RNF216: variants seen among roughly 807,000 people sequenced by gnomAD.
The protein encoded by RNF216 is ring finger protein 216, also known as E3 ubiquitin-protein ligase RNF216.
In RNF216, 72 loss-of-function variants were observed where a neutral mutation model predicts 110.8. That is an observed-to-expected ratio of 0.65 (90% CI 0.54 to 0.79). The LOEUF (loss-of-function observed/expected upper bound fraction) is 0.79, where lower values mean the gene tolerates loss of function less well. Among genes scored for constraint, RNF216 ranks in the 30% least tolerant of loss-of-function variants. RNF216 has a pLI of 0.00. For synonymous variants in RNF216, 495 were observed against 407.5 expected (o/e 1.21, Z -2.59); for missense variants, 1,342 against 1,141.2 (o/e 1.18, Z -2.54).
At chr7:5,755,063 G>T (rs1452165815) in intron 2 of RNF216, among the ~76,000 whole-genome samples, 1 of 139,294 alleles carries the variant, frequency 7.2e-6, no homozygotes, top group African/African-American at 2.6e-5. Context: ...GGGAGGGAGG[G>T]AGGGAACTGA....
chr7:5,761,146 G>GCTTTT lies in RNF216; in HGVS notation c.-69-9_-69-8insAAAAG, dbSNP rs1179336540. 2.4e-6 allele frequency: 2 copies of GCTTTT among 850,584 alleles called. No homozygotes were observed. Among genetic ancestry groups the GCTTTT allele is most frequent in the Non-Finnish European group, 3.7e-6 (2 of 539,728 alleles). The allele number at this position is 850,584 out of a possible 1,614,324, so 52.7% of individuals were successfully genotyped here. ...CCATCTGTTTCAAAAGAACTGAAAA[G>GCTTTT]GAAGCAAAGAGTAACAGTAAGAATG... On this transcript the variant is annotated splice_polypyrimidine_tract_variant and intron_variant, in intron 1 of 16. Coordinates refer to ENST00000389902, the MANE Select transcript of RNF216 (RefSeq NM_207111.4).
intron 13 of RNF216, among the ~76,000 whole-genome samples, chr7:5,678,615 T>C (rs958231727): frequency 6.6e-6 from 1 of 152,220 alleles, no homozygotes; most frequent in Non-Finnish European, 1.5e-5. Flanking sequence ...GGAGTGCTTA[T>C]AAGGAGGCCG....
intron 15 of RNF216, among the ~76,000 whole-genome samples, chr7:5,637,479 A>G (rs1321906734): frequency 6.6e-6 from 1 of 152,220 alleles, no homozygotes; most frequent in Non-Finnish European, 1.5e-5. Context: ...TTCCTGAAAT[A>G]GAGAACACCT....
intron 1 of RNF216, among the ~76,000 whole-genome samples, chr7:5,770,325 G>C (rs1796430990): frequency 6.6e-6 from 1 of 152,040 alleles, no homozygotes; most frequent in African/African-American, 2.4e-5. Flanking sequence ...ACCAGGCGTG[G>C]TGGCACATGC....
At chr7:5,701,499 T>C (rs1342624452) in intron 13 of RNF216, among the ~76,000 whole-genome samples, 4 of 152,226 alleles carry the variant, frequency 2.6e-5, no homozygotes, top group Admixed American at 6.5e-5. Flanking sequence ...TGCCAGGCAC[T>C]GCACTTGACA....
intron 13 of RNF216, among the ~76,000 whole-genome samples, chr7:5,669,219 C>A (rs1208205420): frequency 6.6e-6 from 1 of 152,204 alleles, no homozygotes; most frequent in African/African-American, 2.4e-5. Context: ...TTGCATCTGA[C>A]AAGATCTCTG....
chr7:5,780,907 C>T (rs1045301044), intron 1 of RNF216, among the ~76,000 whole-genome samples: 4 of 152,192 alleles, frequency 2.6e-5, no homozygotes, highest in African/African-American at 7.2e-5. Context: ...TGGTCCTGTT[C>T]CACCGGGAGC....
chr7:5,707,689 A>G (rs1040922247), intron 13 of RNF216, among the ~76,000 whole-genome samples: 8 of 134,280 alleles, frequency 6.0e-5, no homozygotes, highest in African/African-American at 2.2e-4. Flanking sequence ...TGATCTTAGT[A>G]AAAAAAAGCT....
intron 13 of RNF216, among the ~76,000 whole-genome samples, chr7:5,681,033 C>T (rs1427118080): frequency 6.6e-6 from 1 of 152,156 alleles, no homozygotes; most frequent in Non-Finnish European, 1.5e-5. Context: ...CCAGCCATAC[C>T]CCGCAGATAC....
intron 2 of RNF216, among the ~76,000 whole-genome samples, chr7:5,757,379 G>A (rs1795697062): frequency 6.7e-6 from 1 of 148,554 alleles, no homozygotes; most frequent in Non-Finnish European, 1.5e-5. Flanking sequence ...TCTATCAGTT[G>A]TATTTGATAT....
chr7:5,669,117 C>T (rs933082952), intron 13 of RNF216, among the ~76,000 whole-genome samples: 1 of 152,200 alleles, frequency 6.6e-6, no homozygotes, highest in African/African-American at 2.4e-5. Flanking sequence ...CCCACCCAGT[C>T]CCGTGCTATG....
intron 13 of RNF216, among the ~76,000 whole-genome samples, chr7:5,674,682 G>T (rs927459024): frequency 6.6e-6 from 1 of 151,848 alleles, no homozygotes; most frequent in Non-Finnish European, 1.5e-5. Context: ...GGGGAGACTA[G>T]TCCAAAAAGA....
rs573507279 is a variant in RNF216, at chr7:5,772,470, G to A, written c.-70+9071C>T. 5.3e-5 allele frequency among the ~76,000 whole-genome samples: 8 copies of A among 152,066 alleles called. No homozygotes were observed. The South Asian group carries it at 8.4e-4, about 16-fold the overall frequency. On this transcript the variant is annotated intron_variant, in intron 1 of 16. Coordinates refer to ENST00000389902, the MANE Select transcript of RNF216 (RefSeq NM_207111.4). ...CACCCAGGCTGGAGTGCAGTGGTGC[G>A]ATCTCGGCTTACTGCAACTTCCATC...
chr7:5,677,051 T>TA, intron 13 of RNF216, among the ~76,000 whole-genome samples: 1 of 152,298 alleles, frequency 6.6e-6, no homozygotes, highest in South Asian at 2.1e-4. Flanking sequence ...TGGCCTGACC[T>TA]AAGAGAAATA....
chr7:5,755,783 C>T (rs1795604856), intron 2 of RNF216, among the ~76,000 whole-genome samples: 1 of 152,154 alleles, frequency 6.6e-6, no homozygotes, highest in Admixed American at 6.6e-5. Flanking sequence ...TTGGTGTACT[C>T]ATTTTAGCTG....
In RNF216 at chr7:5,622,956, G is replaced by C. The variant is rs1168689374; in HGVS notation, c.2676C>G (p.Pro892=). The C allele has an allele frequency of 1.9e-6, 3 of 1,613,974 alleles. No homozygotes were observed. Among genetic ancestry groups the C allele is most frequent in the Non-Finnish European group, 2.5e-6 (3 of 1,180,020 alleles). ...PIPAPYVPPL[P]NVRVNYDFGP... ...CGAAGTCATAGTTGACCCGCACGTTGGGCAGAGGGGGCACGTACGGGGCTG... is the reference window on the plus strand; with the variant it reads ...CGAAGTCATAGTTGACCCGCACGTTCGGCAGAGGGGGCACGTACGGGGCTG... Residue 892 remains proline (P), a synonymous_variant, in exon 17 of 17, where the codon CCC becomes CCG. Coordinates refer to ENST00000389902, the MANE Select transcript of RNF216 (RefSeq NM_207111.4).
intron 1 of RNF216, among the ~76,000 whole-genome samples, chr7:5,769,216 C>T (rs1796365412): frequency 1.3e-5 from 2 of 150,094 alleles, no homozygotes; most frequent in African/African-American, 2.4e-5. Flanking sequence ...CTCCTGTGTT[C>T]AAGTGATTCT....
chr7:5,642,770 C>T (rs1056701216), intron 14 of RNF216, among the ~76,000 whole-genome samples: 1 of 152,138 alleles, frequency 6.6e-6, no homozygotes. Context: ...TGAGCCACTG[C>T]GCCCAGCTAG....
chr7:5,684,125 T>G (rs1187389565), intron 13 of RNF216, among the ~76,000 whole-genome samples: 1 of 116,772 alleles, frequency 8.6e-6, no homozygotes, highest in African/African-American at 3.5e-5. Flanking sequence ...TTTTTTGAGA[T>G]GGAGTCTCGC....
Sources: gnomAD v4.1 joint callset for allele counts (sites outside exome capture counted in the v4.1 genomes callset) on GRCh38, gnomAD v4.1.1 for gene constraint, MANE v1.5 for transcripts, NCBI Gene and HGNC (gene_info 2026-07-23, HGNC 2026-07-21) for gene names.